The following NRDC variants were observed in gnomAD, a reference collection of about 807,000 sequenced individuals.
The protein encoded by NRDC is nardilysin.
Under a neutral mutation model 147.1 loss-of-function variants are expected in NRDC, and 54 were observed. That is an observed-to-expected ratio of 0.37 (90% CI 0.29 to 0.46). NRDC has a LOEUF of 0.46. Ranked by LOEUF, NRDC falls within the 20% of genes least tolerant of loss-of-function variation. The probability of loss-of-function intolerance (pLI) is 1.00; values close to 1 mark genes in which losing one functional copy is unlikely to be tolerated. For missense variants in NRDC, 1,082 were observed against 1,370.6 expected (o/e 0.79, Z 3.33); for synonymous variants, 440 against 482.1 (o/e 0.91, Z 1.14).
At chr1:51,876,644 G>C (rs1469188814) in intron 1 of NRDC, among the ~76,000 whole-genome samples, 1 of 152,132 alleles carries the variant, frequency 6.6e-6, no homozygotes, top group Non-Finnish European at 1.5e-5. Context: ...TGATGAGAAA[G>C]AAAATTTAGC....
At chr1:51,814,274 CAT>C in intron 13 of NRDC, 185 bp from the exon 14 acceptor site, 1 of 588,450 alleles carries the variant, frequency 1.7e-6, no homozygotes, top group South Asian at 2.3e-5. Context: ...CAAACCTGCA[CAT>C]ATACCCCTGA....
chr1:51,848,353 C>T lies in NRDC; in HGVS notation c.342-7839G>A, dbSNP rs532478314. ...AAAATTAGACAGGCGTGGTGGCAGG[C>T]GCCTGTAGTCCCAGCTACTCAGGAG... On this transcript the variant is annotated intron_variant, in intron 1 of 30. Transcript: ENST00000352171. Among the ~76,000 whole-genome samples, 41 of 152,016 alleles carry T rather than the reference C, an allele frequency of 2.7e-4. 1 individual carries two copies. Among genetic ancestry groups the T allele is most frequent in the African/African-American group, 7.0e-4 (29 of 41,454 alleles).
At chr1:51,845,601 G>T (rs1158179294) in intron 1 of NRDC, among the ~76,000 whole-genome samples, 1 of 151,190 alleles carries the variant, frequency 6.6e-6, no homozygotes, top group Non-Finnish European at 1.5e-5. Context: ...ACAAAAAAAA[G>T]AAAAGAAAAG....
In NRDC at chr1:51,840,222, G is replaced by C. The variant is rs199902956; in HGVS notation, c.630+4C>G. 1.4e-4 allele frequency: 215 copies of C among 1,587,694 alleles called. 1 individual carries two copies. The African/African-American group carries it at 2.5e-3, about 18-fold the overall frequency. On this transcript the variant is annotated splice_donor_region_variant and intron_variant, in intron 2 of 30. Transcript: ENST00000352171. The stretch of plus-strand genomic sequence containing the variant: ...AATTAGAAGAAAACAGACATGACTC[G>C]CACCTGTTTTTCAGTAGTTTTTTTT...
chr1:51,816,054 T>G (rs1469570068), intron 11 of NRDC: 1 of 201,820 alleles, frequency 5.0e-6, no homozygotes, highest in Admixed American at 6.0e-5. Context: ...CTGGAATCTA[T>G]TAATTTCATT....
At chr1:51,867,652 G>C (rs1415926559) in intron 1 of NRDC, among the ~76,000 whole-genome samples, 1 of 152,138 alleles carries the variant, frequency 6.6e-6, no homozygotes, top group Non-Finnish European at 1.5e-5. Context: ...CAAGAAGAAT[G>C]GTGAACTATG....
chr1:51,806,987 A>C, intron 17 of NRDC, 74 bp from the exon 18 acceptor site: 1 of 1,534,048 alleles, frequency 6.5e-7, no homozygotes, highest in Non-Finnish European at 8.7e-7. Context: ...TTGGCTTCAG[A>C]AGTCTAAGTA....
At chr1:51,834,292 T>C (rs913043299) in intron 3 of NRDC, 122 bp from the exon 4 acceptor site, 4 of 1,008,030 alleles carry the variant, frequency 4.0e-6, no homozygotes, top group East Asian at 2.4e-5. Context: ...CAAATGGTTA[T>C]GTCTGAATTC....
At chr1:51,799,707 T>A (rs1679097671) in intron 21 of NRDC, among the ~76,000 whole-genome samples, 1 of 152,160 alleles carries the variant, frequency 6.6e-6, no homozygotes, top group Admixed American at 6.5e-5. Context: ...TTTTTCTGAT[T>A]CACGCAAAAG....
intron 14 of NRDC, among the ~76,000 whole-genome samples, chr1:51,812,302 G>A (rs941694818): frequency 6.6e-6 from 1 of 152,198 alleles, no homozygotes; most frequent in Non-Finnish European, 1.5e-5. Context: ...CAGCATTTGG[G>A]AGACAGAGGT....
At chr1:51,857,475 A>T (rs1682308976) in intron 1 of NRDC, among the ~76,000 whole-genome samples, 2 of 152,204 alleles carry the variant, frequency 1.3e-5, no homozygotes, top group African/African-American at 4.8e-5. Flanking sequence ...TAATATGTCT[A>T]AGGTTTTCAA....
chr1:51,860,867 T>C (rs935817202), intron 1 of NRDC, among the ~76,000 whole-genome samples: 3 of 152,186 alleles, frequency 2.0e-5, no homozygotes, highest in Non-Finnish European at 4.4e-5. Context: ...ATTAGACCTA[T>C]TTTACTTTTG....
Position 51,790,950 on chromosome 1 carries a change from T to C in NRDC, c.3001A>G (p.Ser1001Gly). ...VDKKIEEFLSSFEEKIENLTE... is the reference protein window; with the variant it reads ...VDKKIEEFLSGFEEKIENLTE... ...AGGTTCTCAATCTTCTCCTCAAAGC[T>C]AGAAAGAAACTCTTCTATCTTCTTA... The change falls in exon 28 of 31, where the codon AGC (serine) becomes GGC (glycine). Residue 1001 changes from serine to glycine, a missense_variant. Physicochemically the swap from Ser to Gly is moderately conservative, Grantham distance 56. Around this residue, in one of 3 missense-constraint regions of NRDC, gnomAD observed 187 missense variants for 193.6 expected, o/e 0.97. Transcript: ENST00000352171. 6.2e-7 allele frequency: 1 copy of C among 1,613,940 alleles called. No homozygotes were observed. The highest frequency in any genetic ancestry group is 8.5e-7 in the Non-Finnish European group (1 of 1,179,860).
chr1:51,807,962 C>T (rs762407549), intron 17 of NRDC, among the ~76,000 whole-genome samples: 3 of 151,992 alleles, frequency 2.0e-5, no homozygotes, highest in Non-Finnish European at 4.4e-5. Flanking sequence ...TGCGCCACCA[C>T]GCCTGGCTAA....
intron 28 of NRDC, 79 bp downstream of exon 28, chr1:51,790,821 G>T: frequency 8.1e-7 from 1 of 1,227,348 alleles, no homozygotes; most frequent in Non-Finnish European, 1.2e-6. Flanking sequence ...CTCAAAAACT[G>T]GCCGGCGAAG....
chr1:51,806,771 G>GT, intron 18 of NRDC, 23 bp downstream of exon 18: 1 of 1,607,884 alleles, frequency 6.2e-7, no homozygotes, highest in Non-Finnish European at 8.5e-7. Context: ...CAGCAGGGAA[G>GT]TAACAGGAGG....
rs1273096396 is a variant in NRDC, at chr1:51,790,959, ACT to A, written c.2990_2991del (p.Glu997ValfsTer4). 6.2e-7 allele frequency: 1 copy of A among 1,613,122 alleles called. No individual in the cohort carries two copies. The highest frequency in any genetic ancestry group is 8.5e-7 in the Non-Finnish European group (1 of 1,179,508). On this transcript the variant is annotated frameshift_variant, in exon 28 of 31. Coordinates refer to ENST00000352171, the MANE Select transcript of NRDC (RefSeq NM_001101662.2). LOFTEE classifies it high-confidence loss of function. ...ATCTTCTCCTCAAAGCTAGAAAGAA[ACT>A]CTTCTATCTTCTTATCAACAACTTC... ...NSEVVDKKIE[E>X]FLSSFEEKIE...
chr1:51,814,191 GTAGTAGGCT>G, intron 13 of NRDC, 102 bp from the exon 14 acceptor site: 1 of 722,128 alleles, frequency 1.4e-6, no homozygotes, highest in South Asian at 1.7e-5. Context: ...TAACTATTGG[GTAGTAGGCT>G]TAGTACCTGG....
intron 1 of NRDC, among the ~76,000 whole-genome samples, chr1:51,850,353 G>C (rs1413896922): frequency 6.6e-6 from 1 of 152,076 alleles, no homozygotes; most frequent in African/African-American, 2.4e-5. Flanking sequence ...AACAAATGAT[G>C]CTCAAACAAT....
Sources: allele counts gnomAD v4.1 joint callset (sites outside exome capture counted in the v4.1 genomes callset), GRCh38; gene constraint gnomAD v4.1.1; regional missense constraint gnomAD v4.1.1; transcripts MANE v1.5; gene names NCBI Gene and HGNC (gene_info 2026-07-23, HGNC 2026-07-21).